The following CAMK2G variants were observed in gnomAD, a reference collection of about 807,000 sequenced individuals.
CAMK2G encodes calcium/calmodulin-dependent protein kinase type II subunit gamma.
In CAMK2G, 23 loss-of-function variants were observed where a neutral mutation model predicts 88.7. The ratio of observed to expected loss-of-function variants is 0.26; its 90% confidence interval spans 0.19 to 0.37. The LOEUF is 0.37. Ranked by LOEUF, CAMK2G falls within the 10% of genes least tolerant of loss-of-function variation. The pLI is 1.00. For missense variants in CAMK2G, 476 were observed against 780.8 expected, an observed-to-expected ratio of 0.61 and a Z score of 4.65; for synonymous variants, 263 against 294.8, an observed-to-expected ratio of 0.89 and a Z score of 1.11.
chr10:73,820,395 CAG>C (rs2087562290), intron 18 of CAMK2G, among the ~76,000 whole-genome samples: 1 of 149,204 alleles, frequency 6.7e-6, no homozygotes, highest in Non-Finnish European at 1.5e-5. Context: ...CTCCATCATT[CAG>C]GCCAAAATCT....
intron 17 of CAMK2G, among the ~76,000 whole-genome samples, chr10:73,822,147 C>G (rs1234624151): frequency 6.6e-6 from 1 of 152,202 alleles, no homozygotes; most frequent in Non-Finnish European, 1.5e-5. Context: ...GTCTCCCTAA[C>G]TTCCACACTT....
In CAMK2G at chr10:73,820,502, T is replaced by C. The variant is rs1485173644; in HGVS notation, c.1250-857A>G. On this transcript the variant is annotated intron_variant, in intron 18 of 22. Coordinates refer to ENST00000423381, the MANE Select transcript of CAMK2G (RefSeq NM_001367534.1). ...TATATATATATATATATTTTTTTTT[T>C]TTTTTTTTTCTTGAGACAGAGTCTC... 1.1e-4 allele frequency among the ~76,000 whole-genome samples: 14 copies of C among 121,832 alleles called. No individual in the cohort carries two copies. The East Asian group carries it at 3.2e-3, about 28-fold the overall frequency. The allele number at this position is 121,832 out of a possible 152,430, so 79.9% of individuals were successfully genotyped here. A position where few individuals can be genotyped will look rare whatever the true frequency, so the allele number is the denominator to read the frequency against.
intron 10 of CAMK2G, among the ~76,000 whole-genome samples, chr10:73,843,980 C>T (rs1565357265): frequency 6.6e-6 from 1 of 152,234 alleles, no homozygotes; most frequent in East Asian, 1.9e-4. Context: ...GGAGCCCCCT[C>T]TCTTTTTCTG....
Position 73,853,212 on chromosome 10 carries a change from A to C in CAMK2G, c.255T>G (p.Phe85Leu), listed in dbSNP as rs767423449. The C allele has an allele frequency of 6.2e-7, 1 of 1,614,076 alleles. No homozygotes were observed. The highest frequency in any genetic ancestry group is 1.3e-5 in the African/African-American group (1 of 74,944). ...CTTACAGGTCAAACACGAGGTAGTG[A>C]AACCCTTCTTCAGAAATACTGTCAT... is the stretch of plus-strand genomic sequence containing the variant. ...RLHDSISEEGFHYLVFDLVTG... is the reference protein window; with the variant it reads ...RLHDSISEEGLHYLVFDLVTG... Residue 85 changes from phenylalanine to leucine, a missense_variant, in exon 4 of 23, where the codon TTT becomes TTG. By Grantham distance (22) the Phe-to-Leu change is conservative. Coordinates refer to ENST00000423381, the MANE Select transcript of CAMK2G (RefSeq NM_001367534.1).
intron 2 of CAMK2G, among the ~76,000 whole-genome samples, chr10:73,866,497 CA>C (rs1283558235): frequency 5.9e-5 from 9 of 152,204 alleles, no homozygotes; most frequent in African/African-American, 2.2e-4. Context: ...GCACTAGCTT[CA>C]AATAAGATCC....
chr10:73,848,497 G>A lies in CAMK2G; in HGVS notation c.601+29C>T, dbSNP rs1396549173. Reference sequence around the variant, plus strand: ...TCGGAAGTTGAGGGCCCTTAACAGCGAAAAGCTGAGAGCGTGGAATGGGCT... The same window carrying A: ...TCGGAAGTTGAGGGCCCTTAACAGCAAAAAGCTGAGAGCGTGGAATGGGCT... On this transcript the variant is annotated intron_variant, in intron 8 of 22. Coordinates refer to ENST00000423381, the MANE Select transcript of CAMK2G (RefSeq NM_001367534.1). This position sits in a 1 kb window ranked among gnomAD's most constrained non-coding sequence, Gnocchi z 4.5. 9 of 1,514,352 alleles carry A rather than the reference G, an allele frequency of 5.9e-6. No homozygotes were observed. The highest frequency in any genetic ancestry group is 5.0e-5 in the Admixed American group (3 of 59,474). The allele number at this position is 1,514,352 out of a possible 1,614,324, so 93.8% of individuals were successfully genotyped here.
intron 2 of CAMK2G, among the ~76,000 whole-genome samples, chr10:73,866,787 C>G (rs1270846728): frequency 1.3e-5 from 2 of 152,104 alleles, no homozygotes; most frequent in Non-Finnish European, 2.9e-5. Flanking sequence ...CCTTGGCACT[C>G]TGAGGAGCAG....
At chr10:73,845,496 G>A (rs1466318978) in intron 10 of CAMK2G, among the ~76,000 whole-genome samples, 1 of 151,670 alleles carries the variant, frequency 6.6e-6, no homozygotes, top group African/African-American at 2.4e-5. Flanking sequence ...GCAGGAGAAT[G>A]GCATGAACCC....
At chr10:73,863,987 AGCCCAACACT>A (rs796266735) in intron 2 of CAMK2G, among the ~76,000 whole-genome samples, 9 of 152,328 alleles carry the variant, frequency 5.9e-5, no homozygotes, top group African/African-American at 1.9e-4. Context: ...CCCTGGATTG[AGCCCAACACT>A]GCCACATCCA....
intron 15 of CAMK2G, among the ~76,000 whole-genome samples, chr10:73,825,611 T>A (rs1014715557): frequency 2.6e-5 from 4 of 152,206 alleles, no homozygotes; most frequent in African/African-American, 9.7e-5. Context: ...AAATCTCTGC[T>A]TATGCCAGGT....
Position 73,812,781 on chromosome 10 carries a change from A to G in CAMK2G, c.*1737T>C, listed in dbSNP as rs2084522080. The G allele has an allele frequency of 6.5e-6, 1 of 152,696 alleles. No individual in the cohort carries two copies. The highest frequency in any genetic ancestry group is 6.5e-5 in the Admixed American group (1 of 15,288). 9.5% of individuals were successfully genotyped at this position (152,696 alleles called of 1,614,324 possible). ...GAAGCTATGGGTCTCAATGAATTCT[A>G]AGACCATTTGTCTTCAAGCCAGCAA... On this transcript the variant is annotated 3_prime_UTR_variant, in exon 23 of 23. Coordinates refer to ENST00000423381, the MANE Select transcript of CAMK2G (RefSeq NM_001367534.1).
chr10:73,815,374 C>CT (rs1041535572), intron 21 of CAMK2G, 127 bp from the exon 22 acceptor site: 3 of 656,530 alleles, frequency 4.6e-6, no homozygotes, highest in Admixed American at 2.7e-5. Flanking sequence ...GTACCGCCCC[C>CT]CCCCACCCCC....
chr10:73,849,130 CAG>C lies in CAMK2G; in HGVS notation c.415-17_415-16del, dbSNP rs758736342. The C allele has an allele frequency of 1.9e-6, 3 of 1,610,482 alleles. No individual in the cohort carries two copies. The South Asian group carries it at 3.3e-5, about 18-fold the overall frequency. ...AGGTTCTCAGGCTGCAGAAGAAACA[CAG>C]AGAACCTTGTGAGCACCCACCCTGC... is the stretch of plus-strand genomic sequence containing the variant. On this transcript the variant is annotated splice_polypyrimidine_tract_variant and intron_variant, in intron 6 of 22. Transcript: ENST00000423381.
intron 19 of CAMK2G, 45 bp from the exon 20 acceptor site, chr10:73,817,599 C>T (rs771265248): frequency 7.4e-7 from 1 of 1,358,578 alleles, no homozygotes; most frequent in African/African-American, 1.4e-5. Flanking sequence ...GGGGAACCTC[C>T]CAAGTTACAG....
intron 14 of CAMK2G, among the ~76,000 whole-genome samples, chr10:73,831,409 G>A (rs1234504381): frequency 2.6e-5 from 4 of 151,092 alleles, no homozygotes; most frequent in East Asian, 1.9e-4. Context: ...GTGGTGGCAC[G>A]CGCCTGTAGT....
In CAMK2G at chr10:73,826,450, C is replaced by T. The variant is rs116144333; in HGVS notation, c.1087-1103G>A. On this transcript the variant is annotated intron_variant, in intron 15 of 22. Transcript: ENST00000423381. ...TCCATCTCAAAAAACCAAAAGCAAA[C>T]GAACAAACAAAAACATTACACGGAG... 5.7e-3 allele frequency among the ~76,000 whole-genome samples: 868 copies of T among 151,908 alleles called. 7 individuals carry two copies. The highest frequency in any genetic ancestry group is 0.017 in the African/African-American group (691 of 41,462).
intron 10 of CAMK2G, 194 bp downstream of exon 10, chr10:73,847,031 A>G (rs1201936102): frequency 1.4e-5 from 8 of 576,768 alleles, no homozygotes; most frequent in Non-Finnish European, 1.8e-5. Context: ...GCAGTGGCCC[A>G]CCAGCCCCAT....
intron 3 of CAMK2G, among the ~76,000 whole-genome samples, chr10:73,859,377 CTT>C (rs1181362760): frequency 6.6e-6 from 1 of 152,158 alleles, no homozygotes; most frequent in Non-Finnish European, 1.5e-5. Context: ...TAGATTTTTT[CTT>C]TTTTCAAAAT....
intron 14 of CAMK2G, among the ~76,000 whole-genome samples, chr10:73,832,965 C>T (rs199497993): frequency 9.8e-6 from 1 of 102,272 alleles, no homozygotes. Flanking sequence ...TTTCTTCTCT[C>T]TCTTTTTTTT....
Sources: allele counts gnomAD v4.1 joint callset (sites outside exome capture counted in the v4.1 genomes callset), GRCh38; gene constraint gnomAD v4.1.1; non-coding constraint Gnocchi (gnomAD v3.1); transcripts MANE v1.5; gene names NCBI Gene and HGNC (gene_info 2026-07-23, HGNC 2026-07-21).